Variants in KCNMA1 observed in about 807,000 individuals in gnomAD.
The protein encoded by KCNMA1 is potassium calcium-activated channel subfamily M alpha 1.
KCNMA1 carries 29 observed loss-of-function variants against 140.0 expected under a neutral mutation model. That is an observed-to-expected ratio of 0.21 (90% confidence interval 0.15 to 0.28). The LOEUF is 0.28. Among genes scored for constraint, KCNMA1 ranks in the 10% least tolerant of loss-of-function variants. The pLI is 1.00. For synonymous variants in KCNMA1, 612 were observed against 611.9 expected, an observed-to-expected ratio of 1.00 and a Z score of 0.00; for missense variants, 880 against 1,602.2, an observed-to-expected ratio of 0.55 and a Z score of 7.70.
chr10:76,973,387 T>C (rs1464426256), intron 19 of KCNMA1, among the ~76,000 whole-genome samples: 1 of 152,186 alleles, frequency 6.6e-6, no homozygotes, highest in East Asian at 1.9e-4. Flanking sequence ...CCTTGTCTAA[T>C]AGGCACTGAA....
chr10:76,957,127 C>CAAAAAAAAAAAAAAAAAAA (rs569115924), intron 20 of KCNMA1, among the ~76,000 whole-genome samples: 1 of 71,372 alleles, frequency 1.4e-5, no homozygotes, highest in African/African-American at 6.2e-5. Context: ...GACTCTGTCT[C>CAAAAAAAAAAAAAAAAAAA]AAAAAAAAAA....
At chr10:77,601,112 G>A (rs1004257384) in intron 1 of KCNMA1, among the ~76,000 whole-genome samples, 6 of 152,142 alleles carry the variant, frequency 3.9e-5, no homozygotes, top group African/African-American at 7.2e-5. Context: ...TGGCTTTTAC[G>A]GTCAGCCCTT....
chr10:77,054,262 T>C (rs577832920), intron 14 of KCNMA1, among the ~76,000 whole-genome samples: 2 of 152,196 alleles, frequency 1.3e-5, no homozygotes, highest in African/African-American at 2.4e-5. Context: ...CAACCACAGA[T>C]AGAAATGTCC....
chr10:77,350,057 C>A lies in KCNMA1; in HGVS notation c.540+53805G>T, dbSNP rs191662670. 2.1e-4 allele frequency among the ~76,000 whole-genome samples: 32 copies of A among 152,232 alleles called. No homozygotes were observed. The East Asian group carries it at 6.2e-3, about 29-fold the overall frequency. ...GGGACTACAGGCGCCTGCCACCACA[C>A]CCGGCTAATTTTTGTATTTTTAATA... is the stretch of plus-strand genomic sequence containing the variant. On this transcript the variant is annotated intron_variant, in intron 2 of 27. Coordinates refer to ENST00000286628, the MANE Select transcript of KCNMA1 (RefSeq NM_001161352.2).
intron 1 of KCNMA1, among the ~76,000 whole-genome samples, chr10:77,408,471 C>T (rs372314254): frequency 6.6e-5 from 10 of 151,170 alleles, no homozygotes; most frequent in East Asian, 3.9e-4. Flanking sequence ...TTTGTGTGCA[C>T]GTGTGAGTGT....
chr10:77,474,909 C>T (rs148378016), intron 1 of KCNMA1, among the ~76,000 whole-genome samples: 1 of 152,248 alleles, frequency 6.6e-6, no homozygotes, highest in African/African-American at 2.4e-5. Flanking sequence ...CTTTAAAGAG[C>T]CTTCCAGGAC....
intron 1 of KCNMA1, among the ~76,000 whole-genome samples, chr10:77,552,060 A>G (rs899937581): frequency 6.6e-6 from 1 of 152,140 alleles, no homozygotes; most frequent in African/African-American, 2.4e-5. Context: ...ACTAATCTGC[A>G]ATTTCCAGGC....
chr10:77,106,538 TA>T (rs5786261), intron 9 of KCNMA1, among the ~76,000 whole-genome samples: 3,458 of 148,374 alleles, frequency 0.023, 62 homozygotes, highest in South Asian at 0.063. Flanking sequence ...ATTATTTCAT[TA>T]AAAAAAAAAA....
At chr10:77,274,349 C>T (rs2066014019) in intron 2 of KCNMA1, among the ~76,000 whole-genome samples, 1 of 152,180 alleles carries the variant, frequency 6.6e-6, no homozygotes, top group African/African-American at 2.4e-5. Flanking sequence ...CAAAGAAGGG[C>T]AGTGAGGATG....
In KCNMA1 at chr10:77,393,333, T is replaced by C. The variant is rs377674982; in HGVS notation, c.540+10529A>G. On this transcript the variant is annotated intron_variant, in intron 2 of 27. Transcript: ENST00000286628. The stretch of plus-strand genomic sequence containing the variant: ...TGTTCTTCACCCCCTGACCCGTCTG[T>C]CTCCATACCAGCCCATTTCCTCCAT... Among the ~76,000 whole-genome samples, 6 of 152,140 alleles carry C rather than the reference T, an allele frequency of 3.9e-5. No individual in the cohort carries two copies. The East Asian group carries it at 1.2e-3, about 29-fold the overall frequency.
At chr10:77,097,243 C>T (rs968579160) in intron 9 of KCNMA1, among the ~76,000 whole-genome samples, 8 of 152,164 alleles carry the variant, frequency 5.3e-5, no homozygotes, top group African/African-American at 1.9e-4. Context: ...CTCAATCCCC[C>T]ACTGCCAAAA....
At chr10:77,127,339 C>A (rs1191331575) in intron 5 of KCNMA1, among the ~76,000 whole-genome samples, 2 of 151,988 alleles carry the variant, frequency 1.3e-5, no homozygotes, top group Non-Finnish European at 2.9e-5. Context: ...AGCAACAGAG[C>A]CAAGTTTCAC....
intron 8 of KCNMA1, among the ~76,000 whole-genome samples, chr10:77,109,596 C>T (rs754044633): frequency 5.9e-5 from 9 of 152,070 alleles, no homozygotes; most frequent in Non-Finnish European, 8.8e-5. Flanking sequence ...CCCATGTGTC[C>T]GCTGCAGAAT....
At chr10:77,115,957 G>T (rs2097452011) in intron 6 of KCNMA1, among the ~76,000 whole-genome samples, 2 of 152,192 alleles carry the variant, frequency 1.3e-5, no homozygotes, top group Non-Finnish European at 2.9e-5. Context: ...GCCAGGTTAA[G>T]TAGGGCTCCT....
chr10:77,404,226 C>T (rs763654456), intron 1 of KCNMA1, among the ~76,000 whole-genome samples: 14 of 152,006 alleles, frequency 9.2e-5, no homozygotes, highest in Non-Finnish European at 1.6e-4. Context: ...TCTTTATTTC[C>T]TCTTAAAATA....
chr10:77,221,646 C>G lies in KCNMA1; in HGVS notation c.602+29549G>C, dbSNP rs575783729. Reference sequence around the variant, plus strand: ...CCTGTATCAAAACAGGTCATGTATGCCACAGATATATACACTTGCTATATA... The same window carrying G: ...CCTGTATCAAAACAGGTCATGTATGGCACAGATATATACACTTGCTATATA... On this transcript the variant is annotated intron_variant, in intron 3 of 27. Transcript: ENST00000286628. 7.2e-5 allele frequency among the ~76,000 whole-genome samples: 11 copies of G among 152,130 alleles called. No individual in the cohort carries two copies. In the East Asian group the frequency reaches 2.1e-3, roughly 29 times the overall value.
intron 22 of KCNMA1, among the ~76,000 whole-genome samples, chr10:76,948,002 G>GTTTTGTTTTTGT (rs1565117981): frequency 1.6e-4 from 3 of 18,990 alleles, no homozygotes; most frequent in Non-Finnish European, 3.5e-4. Context: ...GTTGTTTCTT[G>GTTTTGTTTTTGT]TTTTGTTTTT....
chr10:77,064,240 T>C lies in KCNMA1; in HGVS notation c.1749+8857A>G, dbSNP rs546281884. ...ATGCTAGGCAGACAGTTTACACAAA[T>C]CATTTTGCTGCAAAGTAAAGAATAA... On this transcript the variant is annotated intron_variant, in intron 14 of 27. Coordinates refer to ENST00000286628, the MANE Select transcript of KCNMA1 (RefSeq NM_001161352.2). 3 of 342,636 alleles carry C rather than the reference T, an allele frequency of 8.8e-6. No homozygotes were observed. The South Asian group carries it at 3.5e-4, about 40-fold the overall frequency. 21.2% of individuals were successfully genotyped at this position (342,636 alleles called of 1,614,324 possible).
chr10:76,981,028 G>A (rs1313247255), intron 19 of KCNMA1, among the ~76,000 whole-genome samples: 1 of 152,146 alleles, frequency 6.6e-6, no homozygotes, highest in African/African-American at 2.4e-5. Context: ...AAGAATTCCT[G>A]GTGAGCTCTT....
Sources: gnomAD v4.1 joint callset for allele counts (sites outside exome capture counted in the v4.1 genomes callset) on GRCh38, gnomAD v4.1.1 for gene constraint, MANE v1.5 for transcripts, NCBI Gene and HGNC (gene_info 2026-07-23, HGNC 2026-07-21) for gene names.